The following ASNS variants were observed in gnomAD, a reference collection of about 807,000 sequenced individuals.
The protein encoded by ASNS is asparagine synthetase (glutamine-hydrolyzing).
Under a neutral mutation model 62.6 loss-of-function variants are expected in ASNS, and 37 were observed. The observed-to-expected ratio is 0.59, with a 90% CI of 0.45 to 0.78. ASNS has a LOEUF of 0.78. ASNS is among the 30% of genes least tolerant of loss of function. The probability of loss-of-function intolerance (pLI) is 0.00; values close to 1 mark genes in which losing one functional copy is unlikely to be tolerated. For missense variants in ASNS, 520 were observed against 682.4 expected, an observed-to-expected ratio of 0.76 and a Z score of 2.65; for synonymous variants, 207 against 237.9, an observed-to-expected ratio of 0.87 and a Z score of 1.19.
the ASNS span, among the ~76,000 whole-genome samples, chr7:97,912,610 C>A: frequency 8.0e-6 from 1 of 124,324 alleles, no homozygotes; most frequent in Non-Finnish European, 1.6e-5. Context: ...TCAGACAGAG[C>A]CTCGCTCTGT....
At chr7:97,872,453 T>A (rs1317523779), upstream of ASNS, 1 of 152,770 alleles carries the variant, frequency 6.5e-6, no homozygotes, top group African/African-American at 2.4e-5. Flanking sequence ...CTGGCTCCTG[T>A]AACGCGTGCG....
At chr7:97,893,963 C>G in the ASNS span, among the ~76,000 whole-genome samples, 27 of 151,150 alleles carry the variant, frequency 1.8e-4, no homozygotes, top group African/African-American at 5.9e-4. Flanking sequence ...CCAGGATAGA[C>G]CATATGTTAG....
intron 8 of ASNS, among the ~76,000 whole-genome samples, chr7:97,855,666 C>T (rs1276550324): frequency 2.6e-5 from 4 of 152,044 alleles, no homozygotes; most frequent in African/African-American, 2.4e-5. Context: ...TAAAATAACC[C>T]GGAACCATTT....
chr7:97,872,320 C>CGCAGGGCGCGGGGG (rs1792320403), intron 1 of ASNS, 31 bp downstream of exon 1: 1 of 153,480 alleles, frequency 6.5e-6, no homozygotes, highest in Non-Finnish European at 1.4e-5. Flanking sequence ...TGGCGCGGGG[C>CGCAGGGCGCGGGGG]GCAGGGCACG....
At chr7:97,912,707 T>C in the ASNS span, among the ~76,000 whole-genome samples, 1 of 150,648 alleles carries the variant, frequency 6.6e-6, no homozygotes, top group Non-Finnish European at 1.5e-5. Flanking sequence ...CTCAGCCTCC[T>C]GAGTAGCTGG....
At chr7:97,926,834 A>T in the ASNS span, among the ~76,000 whole-genome samples, 1 of 152,040 alleles carries the variant, frequency 6.6e-6, no homozygotes, top group African/African-American at 2.4e-5. Context: ...CATTATCAAC[A>T]TATCATCATT....
At chr7:97,878,345 C>T in the ASNS span, among the ~76,000 whole-genome samples, 11 of 152,158 alleles carry the variant, frequency 7.2e-5, no homozygotes, top group African/African-American at 2.4e-4. Context: ...ATGAGAGGGT[C>T]GTGATCATGA....
chr7:97,907,068 A>G, the ASNS span, among the ~76,000 whole-genome samples: 2 of 152,222 alleles, frequency 1.3e-5, no homozygotes, highest in South Asian at 4.1e-4. Context: ...GTAACCAAAT[A>G]TCTGGGCACC....
At chr7:97,905,918 C>T in the ASNS span, among the ~76,000 whole-genome samples, 8 of 152,178 alleles carry the variant, frequency 5.3e-5, no homozygotes, top group African/African-American at 1.7e-4. Context: ...TTACCCTCCC[C>T]GCTCCTTTCC....
the ASNS span, among the ~76,000 whole-genome samples, chr7:97,900,360 CAA>C: frequency 6.8e-3 from 603 of 89,300 alleles, 2 homozygotes; most frequent in African/African-American, 0.029. Context: ...GACTTTGTCT[CAA>C]AAAAAAAAAA....
At chr7:97,857,616 T>TA (rs566620938) in intron 7 of ASNS, among the ~76,000 whole-genome samples, 36,838 of 115,924 alleles carry the variant, frequency 0.32, 6,122 homozygotes, top group East Asian at 0.53. Context: ...CCTTTACGTT[T>TA]AAAAAAAAAA....
chr7:97,925,870 G>C, the ASNS span, among the ~76,000 whole-genome samples: 137 of 152,304 alleles, frequency 9.0e-4, no homozygotes, highest in African/African-American at 3.3e-3. Context: ...ACCTAGGAGA[G>C]ACTTGTCTCC....
chr7:97,915,732 C>G, the ASNS span, among the ~76,000 whole-genome samples: 128,789 of 151,034 alleles, frequency 0.85, 54,987 homozygotes, highest in East Asian at 0.91. Flanking sequence ...AGAAAGAGCC[C>G]GATATGCAAA....
At chr7:97,903,282 C>G in the ASNS span, among the ~76,000 whole-genome samples, 5 of 148,558 alleles carry the variant, frequency 3.4e-5, no homozygotes, top group Non-Finnish European at 7.4e-5. Flanking sequence ...GCCTTTAGAG[C>G]TAGGATTTAG....
At chr7:97,868,004 T>C (rs1389100602) in intron 3 of ASNS, among the ~76,000 whole-genome samples, 1 of 152,124 alleles carries the variant, frequency 6.6e-6, no homozygotes, top group Non-Finnish European at 1.5e-5. Context: ...GCATGAACCT[T>C]GAATGAAATC....
the ASNS span, among the ~76,000 whole-genome samples, chr7:97,909,175 G>A: frequency 6.6e-6 from 1 of 151,980 alleles, no homozygotes. Context: ...TGAGTTAGTA[G>A]AAACTGAGGA....
the ASNS span, among the ~76,000 whole-genome samples, chr7:97,900,381 A>AC: frequency 6.6e-6 from 1 of 151,308 alleles, no homozygotes; most frequent in Non-Finnish European, 1.5e-5. Flanking sequence ...AAAAAAAAAA[A>AC]AAACAGAAAA....
chr7:97,861,615 C>T (rs916293958), intron 4 of ASNS, among the ~76,000 whole-genome samples: 9 of 152,094 alleles, frequency 5.9e-5, no homozygotes, highest in Non-Finnish European at 1.2e-4. Context: ...CTACTTTGTT[C>T]TTCATTTTCA....
the ASNS span, among the ~76,000 whole-genome samples, chr7:97,920,776 T>C: frequency 4.6e-5 from 7 of 152,378 alleles, no homozygotes; most frequent in African/African-American, 1.7e-4. Flanking sequence ...GCAAGAGCTT[T>C]TGAGACAGAC....
Sources: allele counts gnomAD v4.1 joint callset (sites outside exome capture counted in the v4.1 genomes callset), GRCh38; gene constraint gnomAD v4.1.1; transcripts MANE v1.5; gene names NCBI Gene and HGNC (gene_info 2026-07-23, HGNC 2026-07-21).